VEZT: variants seen among roughly 807,000 people sequenced by gnomAD.
VEZT encodes the protein vezatin.
VEZT carries 39 observed loss-of-function variants against 79.9 expected under a neutral mutation model. The observed-to-expected ratio is 0.49, with a 90% CI of 0.38 to 0.64. The LOEUF (loss-of-function observed/expected upper bound fraction) is 0.64. Ranked by LOEUF, VEZT falls within the 30% of genes least tolerant of loss-of-function variation. The pLI is 0.00. For synonymous variants in VEZT, 325 were observed against 327.6 expected, an observed-to-expected ratio of 0.99 and a Z score of 0.09; for missense variants, 837 against 893.1, an observed-to-expected ratio of 0.94 and a Z score of 0.80.
At chr12:95,219,562 C>T (rs1370384633) in intron 1 of VEZT, among the ~76,000 whole-genome samples, 1 of 152,082 alleles carries the variant, frequency 6.6e-6, no homozygotes, top group East Asian at 1.9e-4. Context: ...ATTATAATAT[C>T]CCCTCACGTG....
chr12:95,234,494 AT>A (rs2059729403), intron 1 of VEZT, among the ~76,000 whole-genome samples: 1 of 151,780 alleles, frequency 6.6e-6, no homozygotes, highest in East Asian at 1.9e-4. Context: ...GGGTTTCTCC[AT>A]GGTGGTCAGG....
intron 1 of VEZT, among the ~76,000 whole-genome samples, chr12:95,250,150 G>A (rs2062321983): frequency 6.8e-6 from 1 of 147,516 alleles, no homozygotes; most frequent in Non-Finnish European, 1.5e-5. Context: ...GTGCCATGCT[G>A]GTGTGCTGCA....
At position 95,300,169 on chromosome 12, in the gene VEZT, G is replaced by A; in HGVS notation, c.1836G>A (p.Val612=). 1 of 1,434,084 alleles carries A rather than the reference G, an allele frequency of 7.0e-7. No homozygotes were observed. The highest frequency in any genetic ancestry group is 1.6e-5 in the South Asian group (1 of 62,290). The allele number at this position is 1,434,084 out of a possible 1,614,324, so 88.8% of individuals were successfully genotyped here. The change falls in exon 12 of 12, where the codon GTG becomes GTA. Residue 612 remains valine (V), a synonymous_variant. Transcript: ENST00000436874. Reference sequence around the variant, plus strand: ...TTTCTTTTTTTTTATTTGAAGCCGTGTTGAAATCCTTGTCTCCTGTAGACC... The same window carrying A: ...TTTCTTTTTTTTTATTTGAAGCCGTATTGAAATCCTTGTCTCCTGTAGACC... The part of the protein sequence containing the change: ...WKQLLFSDHA[V]LKSLSPVDPV...
intron 1 of VEZT, among the ~76,000 whole-genome samples, chr12:95,222,753 T>A (rs1201905439): frequency 6.6e-6 from 1 of 152,200 alleles, no homozygotes; most frequent in African/African-American, 2.4e-5. Context: ...TAAATTAATC[T>A]GGGGAAACTT....
intron 1 of VEZT, among the ~76,000 whole-genome samples, chr12:95,230,133 C>T (rs2059051686): frequency 6.8e-6 from 1 of 147,390 alleles, no homozygotes; most frequent in Non-Finnish European, 1.5e-5. Context: ...ACGAAGTGTA[C>T]TAACTTCATT....
At position 95,263,039 on chromosome 12, in the gene VEZT, G is replaced by A. The variant is rs1566148785; in HGVS notation, c.392G>A (p.Gly131Glu). The A allele has an allele frequency of 8.7e-6, 14 of 1,612,372 alleles. No homozygotes were observed. Among genetic ancestry groups the A allele is most frequent in the Non-Finnish European group, 1.2e-5 (14 of 1,178,800 alleles). ...GGGCAATCTCAACAACAGGAAAATG[G>A]ACACCTTCCAACACTTTGCTCCCTG... is the stretch of plus-strand genomic sequence containing the variant. ...SAGQSQQQEN[G>E]HLPTLCSLAT... The change falls in exon 4 of 12, where the codon GGA becomes GAA. Residue 131 changes from glycine (G) to glutamate (E), a missense_variant. By Grantham distance (98) the Gly-to-Glu change is moderately conservative (BLOSUM62 -2). Coordinates refer to ENST00000436874, the MANE Select transcript of VEZT (RefSeq NM_017599.4).
At chr12:95,273,108 G>A (rs1267211445) in intron 6 of VEZT, among the ~76,000 whole-genome samples, 1 of 152,036 alleles carries the variant, frequency 6.6e-6, no homozygotes, top group Non-Finnish European at 1.5e-5. Flanking sequence ...ATTGGACATA[G>A]GATAAAGAAT....
At chr12:95,253,396 C>T (rs1204376758) in intron 2 of VEZT, among the ~76,000 whole-genome samples, 1 of 152,178 alleles carries the variant, frequency 6.6e-6, no homozygotes, top group African/African-American at 2.4e-5. Context: ...GACTAACACC[C>T]AGAAGGTGAG....
intron 1 of VEZT, among the ~76,000 whole-genome samples, chr12:95,227,611 G>A (rs2058683660): frequency 6.6e-6 from 1 of 152,130 alleles, no homozygotes; most frequent in African/African-American, 2.4e-5. Context: ...AAAGTGCTGG[G>A]ATTATAGGCA....
intron 7 of VEZT, 105 bp downstream of exon 7, chr12:95,274,994 C>T: frequency 7.4e-7 from 1 of 1,346,968 alleles, no homozygotes; most frequent in Non-Finnish European, 9.9e-7. Context: ...TCATTGTTTG[C>T]TGCATACCAT....
At chr12:95,282,734 G>A in intron 8 of VEZT, 90 bp downstream of exon 8, 6 of 1,097,834 alleles carry the variant, frequency 5.5e-6, no homozygotes, top group East Asian at 2.6e-5. Context: ...GTCCTACCTA[G>A]AAAAAAGAAA....
intron 10 of VEZT, 142 bp downstream of exon 10, chr12:95,294,514 C>G: frequency 1.4e-6 from 1 of 691,098 alleles, no homozygotes; most frequent in Non-Finnish European, 2.4e-6. Flanking sequence ...TGCCTGCAGA[C>G]TTTTTTTTGA....
In VEZT at chr12:95,301,290, A is replaced by C. The variant is rs139219490; in HGVS notation, c.*617A>C. The C allele has an allele frequency of 6.6e-6, 1 of 152,230 alleles. No homozygotes were observed. The highest frequency in any genetic ancestry group is 1.5e-5 in the Non-Finnish European group (1 of 68,000). 9.4% of individuals were successfully genotyped at this position (152,230 alleles called of 1,614,324 possible). A position where few individuals can be genotyped will look rare whatever the true frequency, so the allele number is the denominator to read the frequency against. The stretch of plus-strand genomic sequence containing the variant: ...TAGTTAATTTTAAGATGTCCTAGTG[A>C]TCTTTAAAAGAAAAATATTGTACCA... On this transcript the variant is annotated 3_prime_UTR_variant, in exon 12 of 12. Transcript: ENST00000436874.
At chr12:95,268,279 A>G (rs2065911064) in intron 5 of VEZT, among the ~76,000 whole-genome samples, 1 of 152,080 alleles carries the variant, frequency 6.6e-6, no homozygotes, top group African/African-American at 2.4e-5. Context: ...GCGGATCACG[A>G]GGTCAGGAGA....
intron 4 of VEZT, 141 bp downstream of exon 4, chr12:95,263,222 A>T: frequency 1.2e-6 from 1 of 835,126 alleles, no homozygotes; most frequent in Admixed American, 2.8e-5. Flanking sequence ...TATGGGGGGA[A>T]AAAGTGCCTT....
At chr12:95,292,746 A>G (rs1268625702) in intron 9 of VEZT, among the ~76,000 whole-genome samples, 1 of 149,838 alleles carries the variant, frequency 6.7e-6, no homozygotes, top group Non-Finnish European at 1.5e-5. Flanking sequence ...ATGGGGTTTC[A>G]CCATATTAGC....
At chr12:95,295,588 T>A (rs1405694911) in intron 10 of VEZT, among the ~76,000 whole-genome samples, 1 of 152,176 alleles carries the variant, frequency 6.6e-6, no homozygotes, top group Non-Finnish European at 1.5e-5. Context: ...CATCCTACCC[T>A]CTCTGTCTTA....
chr12:95,261,124 T>A (rs1337016165), intron 3 of VEZT, among the ~76,000 whole-genome samples: 1 of 151,780 alleles, frequency 6.6e-6, no homozygotes, highest in East Asian at 1.9e-4. Flanking sequence ...ATATTAAAAA[T>A]CTTCTTCTCT....
chr12:95,245,645 C>G (rs2061617253), intron 1 of VEZT: 14 of 446,232 alleles, frequency 3.1e-5, no homozygotes, highest in South Asian at 2.2e-4. Flanking sequence ...CTTGTTCTAT[C>G]TATAAGAGTT....
Sources: gnomAD v4.1 joint callset for allele counts (sites outside exome capture counted in the v4.1 genomes callset) on GRCh38, gnomAD v4.1.1 for gene constraint, MANE v1.5 for transcripts, NCBI Gene and HGNC (gene_info 2026-07-23, HGNC 2026-07-21) for gene names.